The following NEMF variants were observed in gnomAD, a reference collection of about 807,000 sequenced individuals.
The protein encoded by NEMF is ribosome quality control complex subunit NEMF.
A neutral mutation model predicts 162.2 loss-of-function variants in NEMF; 89 were observed. The observed-to-expected ratio is 0.55, with a 90% CI of 0.46 to 0.65. The LOEUF (loss-of-function observed/expected upper bound fraction) is 0.65, where lower values mean the gene tolerates loss of function less well. Among genes scored for constraint, NEMF ranks in the 30% least tolerant of loss-of-function variants. NEMF has a pLI of 0.00. For synonymous variants in NEMF, 421 were observed against 404.5 expected (o/e 1.04, Z -0.49); for missense variants, 1,133 against 1,261.9 (o/e 0.90, Z 1.55).
At chr14:49,843,805 A>C (rs567774321) in intron 4 of NEMF, among the ~76,000 whole-genome samples, 2 of 152,236 alleles carry the variant, frequency 1.3e-5, no homozygotes, top group South Asian at 4.1e-4. Context: ...TGGTATTACA[A>C]CAACAGTTCC....
In NEMF at chr14:49,789,304, TC is replaced by T; in HGVS notation, c.2736del (p.Lys913ArgfsTer10). ...GGTTCGTCCTTTGTTTTTCCTTTCT[TC>T]CCCTTCTTCCCTTTTTCTTCTTTGT... ...GSNKEEKGKKGKKGKTKDEPV... is the reference protein window; with the variant it reads ...GSNKEEKGKKXKKGKTKDEPV... On this transcript the variant is annotated frameshift_variant, in exon 28 of 33. Coordinates refer to ENST00000298310, the MANE Select transcript of NEMF (RefSeq NM_004713.6). LOFTEE classifies it high-confidence loss of function. 1 of 1,614,162 alleles carries T rather than the reference TC, an allele frequency of 6.2e-7. No individual in the cohort carries two copies.
In NEMF at chr14:49,800,658, GTTC is replaced by G; in HGVS notation, c.2131_2133del (p.Glu711del). The G allele has an allele frequency of 6.2e-7, 1 of 1,613,856 alleles. No homozygotes were observed. Among genetic ancestry groups the G allele is most frequent in the South Asian group, 1.1e-5 (1 of 91,082 alleles). On this transcript the variant is annotated inframe_deletion, in exon 23 of 33. Coordinates refer to ENST00000298310, the MANE Select transcript of NEMF (RefSeq NM_004713.6). ...AGTTCTACTTCCACAGGAGTTTCAT[GTTC>G]TTCTTTATCCTCATCACTGCTCGTG...
intron 28 of NEMF, chr14:49,786,966 C>G: frequency 2.1e-6 from 1 of 485,648 alleles, no homozygotes; most frequent in Non-Finnish European, 3.6e-6. Flanking sequence ...AAAGTAATGT[C>G]ATTCAAGAGA....
chr14:49,804,962 G>A (rs747458132), intron 19 of NEMF, among the ~76,000 whole-genome samples: 5 of 151,906 alleles, frequency 3.3e-5, no homozygotes, highest in South Asian at 2.1e-4. Flanking sequence ...CCCAGGAGGC[G>A]GAGGCTGCAG....
At chr14:49,845,687 C>G (rs3100892) in intron 4 of NEMF, among the ~76,000 whole-genome samples, 142,544 of 152,282 alleles carry the variant, frequency 0.94, 67,411 homozygotes, top group South Asian at 1. Flanking sequence ...ACACACCAGC[C>G]TAGGCCTACA....
Position 49,782,776 on chromosome 14 carries a change from G to A in NEMF, c.*1860C>T, listed in dbSNP as rs1566639522. The A allele has an allele frequency of 6.4e-7, 1 of 1,574,164 alleles. No homozygotes were observed. The highest frequency in any genetic ancestry group is 8.6e-7 in the Non-Finnish European group (1 of 1,159,514). On this transcript the variant is annotated 3_prime_UTR_variant, in exon 33 of 33. Coordinates refer to ENST00000298310, the MANE Select transcript of NEMF (RefSeq NM_004713.6). ...GTTTTATGTAGTTTTTCAAGTGAAT[G>A]TACTTCCAAACAGTAAAGTGAAATT...
Position 49,835,177 on chromosome 14 carries a change from G to A in NEMF, c.575-728C>T, listed in dbSNP as rs1405165704. Among the ~76,000 whole-genome samples, 3 of 144,306 alleles carry A rather than the reference G, an allele frequency of 2.1e-5. No homozygotes were observed. The South Asian group carries it at 6.4e-4, about 31-fold the overall frequency. 94.7% of individuals were successfully genotyped at this position (144,306 alleles called of 152,430 possible). A position where few individuals can be genotyped will look rare whatever the true frequency, so the allele number is the denominator to read the frequency against. Reference sequence around the variant, plus strand: ...ATCGTGCCATTGCACTGCAGCCTGGGCAACAAGAGTGAAACTCCGTCCCCC... The same window carrying A: ...ATCGTGCCATTGCACTGCAGCCTGGACAACAAGAGTGAAACTCCGTCCCCC... On this transcript the variant is annotated intron_variant, in intron 6 of 32. Transcript: ENST00000298310.
chr14:49,821,567 G>A (rs1159279074), intron 16 of NEMF, among the ~76,000 whole-genome samples: 1 of 68,316 alleles, frequency 1.5e-5, no homozygotes, highest in African/African-American at 5.6e-5. Context: ...CCGGCCAGCC[G>A]CCCCGTCCGG....
At chr14:49,820,299 C>A (rs1651865583) in intron 16 of NEMF, 1 of 391,672 alleles carries the variant, frequency 2.6e-6, no homozygotes, top group African/African-American at 2.1e-5. Context: ...GTTGAAATGA[C>A]ACATTTGATC....
chr14:49,810,001 G>A (rs1891396393), intron 18 of NEMF, among the ~76,000 whole-genome samples: 1 of 152,048 alleles, frequency 6.6e-6, no homozygotes, highest in South Asian at 2.1e-4. Context: ...CATGCAGCAG[G>A]GGGTATGAGG....
intron 6 of NEMF, among the ~76,000 whole-genome samples, chr14:49,835,303 G>C (rs1781976884): frequency 6.6e-6 from 1 of 151,968 alleles, no homozygotes; most frequent in Non-Finnish European, 1.5e-5. Flanking sequence ...CAAGTTATAG[G>C]AATTTAATGG....
At chr14:49,848,833 C>CA (rs36090515) in intron 3 of NEMF, among the ~76,000 whole-genome samples, 9,878 of 40,448 alleles carry the variant, frequency 0.24, 1,481 homozygotes, top group Non-Finnish European at 0.29. Flanking sequence ...GACTCCGTCT[C>CA]AAAAAAAAAA....
At chr14:49,791,406 T>C (rs1187544522) in intron 26 of NEMF, among the ~76,000 whole-genome samples, 2 of 151,948 alleles carry the variant, frequency 1.3e-5, no homozygotes, top group African/African-American at 4.8e-5. Flanking sequence ...GTAAAGTATC[T>C]GTATCTGAGT....
Position 49,799,838 on chromosome 14 carries a change from C to A in NEMF, c.2373-160G>T, listed in dbSNP as rs190075276. ...ACATACAACCAAATTGCTCCTCTCT[C>A]CACACTTCCATATACATTTTTAAAT... On this transcript the variant is annotated intron_variant, in intron 23 of 32. Coordinates refer to ENST00000298310, the MANE Select transcript of NEMF (RefSeq NM_004713.6). 3.3e-4 allele frequency among the ~76,000 whole-genome samples: 50 copies of A among 152,284 alleles called. No homozygotes were observed. The East Asian group carries it at 5.2e-3, about 16-fold the overall frequency.
chr14:49,835,195 C>T (rs186766509), intron 6 of NEMF, among the ~76,000 whole-genome samples: 68 of 143,292 alleles, frequency 4.7e-4, no homozygotes, highest in African/African-American at 1.6e-3. Flanking sequence ...AGTGAAACTC[C>T]GTCCCCCGCC....
chr14:49,834,517 A>G, intron 6 of NEMF, 68 bp from the exon 7 acceptor site: 3 of 1,177,446 alleles, frequency 2.5e-6, no homozygotes, highest in Non-Finnish European at 3.7e-6. Flanking sequence ...GTTTTTTGAG[A>G]TGGAGTTTTA....
At chr14:49,806,581 A>C (rs1487910242) in intron 18 of NEMF, among the ~76,000 whole-genome samples, 2 of 151,798 alleles carry the variant, frequency 1.3e-5, no homozygotes, top group Non-Finnish European at 2.9e-5. Context: ...TATCTTAAAT[A>C]CTAATACATT....
Position 49,851,582 on chromosome 14 carries a change from G to A in NEMF, c.212C>T (p.Pro71Leu). 3 of 1,612,240 alleles carry A rather than the reference G, an allele frequency of 1.9e-6. No individual in the cohort carries two copies. The highest frequency in any genetic ancestry group is 4.5e-5 in the East Asian group (2 of 44,828). Residue 71 changes from proline to leucine, a missense_variant, in exon 3 of 33, where the codon CCG becomes CTG. Physicochemically the swap from Pro to Leu is moderately conservative, Grantham distance 98 (BLOSUM62 -3). This residue lies in a region of NEMF where 582 missense variants were observed against 631.5 expected (regional missense o/e 0.92). Transcript: ENST00000298310. ...GTTTACCTTCATGGCAAAACTAGAC[G>A]GCATCATATTCTTAGGCCACTCAAA... ...TEFEWPKNMM[P>L]SSFAMKCRKH...
At chr14:49,790,823 C>G (rs1890405675) in intron 26 of NEMF, among the ~76,000 whole-genome samples, 1 of 152,166 alleles carries the variant, frequency 6.6e-6, no homozygotes, top group Admixed American at 6.5e-5. Flanking sequence ...AACACCATCT[C>G]TACCAAAAAT....
Sources: allele counts gnomAD v4.1 joint callset (sites outside exome capture counted in the v4.1 genomes callset), GRCh38; gene constraint gnomAD v4.1.1; regional missense constraint gnomAD v4.1.1; transcripts MANE v1.5; gene names NCBI Gene and HGNC (gene_info 2026-07-23, HGNC 2026-07-21).